Variants in LRPAP1 observed in about 807,000 individuals in gnomAD.
LRPAP1 encodes the protein alpha-2-macroglobulin receptor-associated protein.
In LRPAP1, 41 loss-of-function variants were observed where a neutral mutation model predicts 39.9. That is an observed-to-expected ratio of 1.03 (90% CI 0.80 to 1.33). LRPAP1 has a LOEUF of 1.33. LRPAP1 is among the 40% of genes most tolerant of loss of function. The pLI, the probability that LRPAP1 is intolerant of heterozygous loss-of-function variation, is 0.00. For synonymous variants in LRPAP1, 263 were observed against 212.7 expected, an observed-to-expected ratio of 1.24 and a Z score of -2.06; for missense variants, 565 against 482.3, an observed-to-expected ratio of 1.17 and a Z score of -1.61.
Position 3,520,205 on chromosome 4 carries a change from G to T in LRPAP1, c.350-12C>A, listed in dbSNP as rs543465882. 2 of 1,611,358 alleles carry T rather than the reference G, an allele frequency of 1.2e-6. No individual in the cohort carries two copies. The highest frequency in any genetic ancestry group is 1.7e-6 in the Non-Finnish European group (2 of 1,178,194). On this transcript the variant is annotated splice_polypyrimidine_tract_variant and intron_variant, in intron 2 of 7. Coordinates refer to ENST00000650182, the MANE Select transcript of LRPAP1 (RefSeq NM_002337.4). Reference sequence around the variant, plus strand: ...CTTGGCCAAGATGACTAGGAGAGAGGGGAGGTTCTATTTGATATGGTTTCC... The same window carrying T: ...CTTGGCCAAGATGACTAGGAGAGAGTGGAGGTTCTATTTGATATGGTTTCC...
At position 3,512,735 on chromosome 4, in the gene LRPAP1, T is replaced by C. The variant is rs932196619; in HGVS notation, c.*239A>G. 25 of 538,582 alleles carry C rather than the reference T, an allele frequency of 4.6e-5. No individual in the cohort carries two copies. The highest frequency in any genetic ancestry group is 7.6e-5 in the Non-Finnish European group (23 of 302,586). The allele number at this position is 538,582 out of a possible 1,614,324, so 33.4% of individuals were successfully genotyped here. On this transcript the variant is annotated 3_prime_UTR_variant, in exon 8 of 8. Transcript: ENST00000650182. ...GGGGTGGTGACTGCCACGCTGATGC[T>C]GAGTGGAAGCCAAGCCCCTTCAGTC...
intron 3 of LRPAP1, among the ~76,000 whole-genome samples, chr4:3,519,723 G>A (rs1261895323): frequency 2.0e-5 from 3 of 152,160 alleles, no homozygotes; most frequent in African/African-American, 2.4e-5. Context: ...ACAGAGGCAC[G>A]TCCACGGCAC....
In LRPAP1 at chr4:3,504,653, G is replaced by C. The variant is rs1729296566; in HGVS notation, c.*8321C>G. On this transcript the variant is annotated 3_prime_UTR_variant, in exon 8 of 8. Transcript: ENST00000650182. ...TAATCCCAGCTACTTGCGAGGCTGAGGCAGGAGAATTTCTTGAACCCAGGA... is the reference window on the plus strand; with the variant it reads ...TAATCCCAGCTACTTGCGAGGCTGACGCAGGAGAATTTCTTGAACCCAGGA... Among the ~76,000 whole-genome samples, 1 of 150,998 alleles carries C rather than the reference G, an allele frequency of 6.6e-6. No homozygotes were observed. The highest frequency in any genetic ancestry group is 2.4e-5 in the African/African-American group (1 of 41,172).
Position 3,508,559 on chromosome 4 carries a change from G to C in LRPAP1, c.*4415C>G, listed in dbSNP as rs1168007201. ...TTCCTACACAGGAGGTCCTTAGCCC[G>C]GTATGAGCAAATCTCATCTGGCCAT... On this transcript the variant is annotated 3_prime_UTR_variant, in exon 8 of 8. Transcript: ENST00000650182. The C allele has an allele frequency of 5.9e-5, 9 of 152,224 alleles. No homozygotes were observed. Among genetic ancestry groups the C allele is most frequent in the South Asian group, 4.2e-4 (2 of 4,818 alleles). The allele number at this position is 152,224 out of a possible 1,614,324, so 9.4% of individuals were successfully genotyped here.
At chr4:3,516,814 C>A (rs1003659233) in intron 5 of LRPAP1, among the ~76,000 whole-genome samples, 1 of 152,188 alleles carries the variant, frequency 6.6e-6, no homozygotes, top group African/African-American at 2.4e-5. Context: ...CATGGAGCCC[C>A]GCAACAGTGG....
In LRPAP1 at chr4:3,509,997, G is replaced by C. The variant is rs990178645; in HGVS notation, c.*2977C>G. 6.6e-6 allele frequency: 1 copy of C among 152,314 alleles called. No individual in the cohort carries two copies. The highest frequency in any genetic ancestry group is 2.1e-4 in the South Asian group (1 of 4,832). 9.4% of individuals were successfully genotyped at this position (152,314 alleles called of 1,614,324 possible). A position where few individuals can be genotyped will look rare whatever the true frequency, so the allele number is the denominator to read the frequency against. On this transcript the variant is annotated 3_prime_UTR_variant, in exon 8 of 8. Coordinates refer to ENST00000650182, the MANE Select transcript of LRPAP1 (RefSeq NM_002337.4). ...TTCCAGAAGGCATGTTTTTTTGGTAGAAATTGAGACACTGATTGTAAAACA... is the reference window on the plus strand; with the variant it reads ...TTCCAGAAGGCATGTTTTTTTGGTACAAATTGAGACACTGATTGTAAAACA...
chr4:3,529,162 A>G (rs893486491), intron 1 of LRPAP1, among the ~76,000 whole-genome samples: 3 of 152,046 alleles, frequency 2.0e-5, no homozygotes, highest in African/African-American at 7.2e-5. Flanking sequence ...GTCTCTACTA[A>G]AAATATAAAA....
At chr4:3,532,177 G>A (rs1362126436) in intron 1 of LRPAP1, 32 bp downstream of exon 1, 1 of 1,187,940 alleles carries the variant, frequency 8.4e-7, no homozygotes, top group South Asian at 1.8e-5. Context: ...CCGCCCCCAG[G>A]CCCCGCTCCA....
chr4:3,516,082 A>G lies in LRPAP1; in HGVS notation c.834+34T>C, dbSNP rs1468012978. 5.2e-6 allele frequency: 8 copies of G among 1,547,762 alleles called. No homozygotes were observed. The Middle Eastern group carries it at 6.7e-4, about 130-fold the overall frequency. ...ACTGCAAGAGAATCTTCACCACAGG[A>G]GAGAGCTAGAAGGAGAGGGCCGTGT... is the stretch of plus-strand genomic sequence containing the variant. On this transcript the variant is annotated intron_variant, in intron 6 of 7. Transcript: ENST00000650182.
In LRPAP1 at chr4:3,525,022, C is replaced by G; in HGVS notation, c.234G>C (p.Glu78Asp). The part of the protein sequence containing the change: ...RLHLPPVRLA[E>D]LHADLKIQER... ...CCTGTATCTTCAGATCAGCGTGGAG[C>G]TCGGCCAGCCTCACGGGAGGAAGAT... is the stretch of plus-strand genomic sequence containing the variant. Residue 78 changes from glutamate to aspartate, a missense_variant, in exon 2 of 8, where the codon GAG (glutamate) becomes GAC (aspartate). Glu to Asp is a conservative substitution (Grantham distance 45). Coordinates refer to ENST00000650182, the MANE Select transcript of LRPAP1 (RefSeq NM_002337.4). 1 of 1,614,084 alleles carries G rather than the reference C, an allele frequency of 6.2e-7. No homozygotes were observed. The highest frequency in any genetic ancestry group is 1.1e-5 in the South Asian group (1 of 91,084).
rs747853332 is a variant in LRPAP1, at chr4:3,520,234, GA to G, written c.350-42del. 5.0e-6 allele frequency: 8 copies of G among 1,593,130 alleles called. No individual in the cohort carries two copies. In the Middle Eastern group the frequency reaches 1.2e-3, roughly 243 times the overall value. ...GGTTCTATTTGATATGGTTTCCTGTGAAAAACAGTCAAAAGCCAACACATCT... is the reference window on the plus strand; with the variant it reads ...GGTTCTATTTGATATGGTTTCCTGTGAAAACAGTCAAAAGCCAACACATCT... On this transcript the variant is annotated intron_variant, in intron 2 of 7. Transcript: ENST00000650182.
chr4:3,516,240 T>A (rs371913003), intron 5 of LRPAP1, 42 bp from the exon 6 acceptor site: 2 of 1,492,098 alleles, frequency 1.3e-6, no homozygotes, highest in African/African-American at 1.4e-5. Context: ...GCACCCGGGG[T>A]GCACACCACA....
intron 1 of LRPAP1, among the ~76,000 whole-genome samples, chr4:3,526,455 A>C (rs554470350): frequency 6.6e-6 from 1 of 152,370 alleles, no homozygotes; most frequent in South Asian, 2.1e-4. Context: ...AATACAACAC[A>C]AGCTAGTATC....
intron 7 of LRPAP1, 67 bp downstream of exon 7, chr4:3,514,685 C>A: frequency 1.3e-6 from 2 of 1,525,172 alleles, no homozygotes; most frequent in South Asian, 2.5e-5. Context: ...CCCTGAGCTG[C>A]ATGTGGGCGG....
chr4:3,520,370 G>A, intron 2 of LRPAP1, 177 bp from the exon 3 acceptor site: 1 of 655,410 alleles, frequency 1.5e-6, no homozygotes, highest in Non-Finnish European at 2.6e-6. Flanking sequence ...ATGTAAACAA[G>A]CGTGGGGTCT....
intron 5 of LRPAP1, among the ~76,000 whole-genome samples, chr4:3,516,831 C>T (rs1250647734): frequency 6.6e-6 from 1 of 152,230 alleles, no homozygotes; most frequent in Non-Finnish European, 1.5e-5. Flanking sequence ...GTGGCCCCTG[C>T]TCCCTCCTCT....
intron 2 of LRPAP1, among the ~76,000 whole-genome samples, chr4:3,522,844 G>A (rs548817290): frequency 1.4e-4 from 22 of 152,254 alleles, no homozygotes; most frequent in Admixed American, 7.8e-4. Context: ...AGCGTGGCCC[G>A]TCTGTCTCAG....
chr4:3,512,968 A>G lies in LRPAP1; in HGVS notation c.*6T>C, dbSNP rs6789. On this transcript the variant is annotated 3_prime_UTR_variant, in exon 8 of 8. Coordinates refer to ENST00000650182, the MANE Select transcript of LRPAP1 (RefSeq NM_002337.4). ...CTTCCCTGCCGGGCTGGGCTCCCCA[A>G]TGCCTTCAGAGTTCGTTGTGCCGAG... The G allele has an allele frequency of 0.33, 526,637 of 1,605,270 alleles. 90,580 individuals carry two copies. The highest frequency in any genetic ancestry group is 0.55 in the Admixed American group (32,170 of 58,794).
At chr4:3,532,084 G>A (rs1730272037) in intron 1 of LRPAP1, 125 bp downstream of exon 1, 1 of 1,079,684 alleles carries the variant, frequency 9.3e-7, no homozygotes, top group Admixed American at 2.6e-5. Flanking sequence ...CAAGGACAGG[G>A]CGCGTAGGGC....
Sources: allele counts gnomAD v4.1 joint callset (sites outside exome capture counted in the v4.1 genomes callset), GRCh38; gene constraint gnomAD v4.1.1; transcripts MANE v1.5; gene names NCBI Gene and HGNC (gene_info 2026-07-23, HGNC 2026-07-21).